Variants in SH3RF3 observed in about 807,000 individuals in gnomAD.
SH3RF3 encodes SH3 domain containing ring finger 3.
SH3RF3 carries 29 observed loss-of-function variants against 66.3 expected under a neutral mutation model. The observed-to-expected ratio is 0.44, with a 90% confidence interval of 0.33 to 0.60. The LOEUF (loss-of-function observed/expected upper bound fraction) is 0.60. SH3RF3 is among the 20% of genes least tolerant of loss of function. SH3RF3 has a pLI of 0.04. For missense variants in SH3RF3, 1,194 were observed against 1,190.9 expected (o/e 1.00, Z -0.04); for synonymous variants, 583 against 532.0 (o/e 1.10, Z -1.32).
chr2:109,481,230 C>T (rs1320937320), intron 8 of SH3RF3, among the ~76,000 whole-genome samples: 1 of 152,184 alleles, frequency 6.6e-6, no homozygotes, highest in African/African-American at 2.4e-5. Context: ...GGCGAGGGTC[C>T]CCCCACACAG....
chr2:109,141,536 C>T (rs1574470856), intron 1 of SH3RF3: 2 of 154,920 alleles, frequency 1.3e-5, no homozygotes, highest in African/African-American at 4.8e-5. Flanking sequence ...GATCACCAGT[C>T]CCCAGGCTGA....
At chr2:109,318,715 G>T (rs2105451536) in intron 1 of SH3RF3, among the ~76,000 whole-genome samples, 1 of 152,292 alleles carries the variant, frequency 6.6e-6, no homozygotes, top group African/African-American at 2.4e-5. Flanking sequence ...ATCCGGGGCT[G>T]CCCTGGCCAG....
At chr2:109,493,284 G>C (rs1472824994) in intron 9 of SH3RF3, among the ~76,000 whole-genome samples, 1 of 123,696 alleles carries the variant, frequency 8.1e-6, no homozygotes, top group African/African-American at 3.1e-5. Flanking sequence ...GTACACCATA[G>C]AAACACACAC....
intron 1 of SH3RF3, among the ~76,000 whole-genome samples, chr2:109,306,578 C>T (rs1234761469): frequency 6.6e-6 from 1 of 152,168 alleles, no homozygotes. Context: ...GTGGTGTTCT[C>T]CAGGCAGGAA....
intron 8 of SH3RF3, among the ~76,000 whole-genome samples, chr2:109,451,183 A>G (rs376263316): frequency 2.2e-4 from 33 of 152,374 alleles, no homozygotes; most frequent in African/African-American, 7.0e-4. Context: ...GGTCTGCTCC[A>G]GCCTAACAGG....
intron 1 of SH3RF3, among the ~76,000 whole-genome samples, chr2:109,187,963 C>T (rs549220174): frequency 4.9e-4 from 74 of 152,256 alleles, no homozygotes; most frequent in Middle Eastern, 3.4e-3. Flanking sequence ...CTTTGGAGGG[C>T]GGTAGGGATT....
intron 1 of SH3RF3, among the ~76,000 whole-genome samples, chr2:109,152,827 C>G (rs1277491310): frequency 6.6e-6 from 1 of 152,140 alleles, no homozygotes; most frequent in Non-Finnish European, 1.5e-5. Flanking sequence ...CACATGGGCC[C>G]TCTCACAGTG....
chr2:109,225,598 C>G (rs954442261), intron 1 of SH3RF3, among the ~76,000 whole-genome samples: 1 of 152,232 alleles, frequency 6.6e-6, no homozygotes, highest in Non-Finnish European at 1.5e-5. Flanking sequence ...CTCTCTGGGA[C>G]TTCCCATTTG....
intron 1 of SH3RF3, among the ~76,000 whole-genome samples, chr2:109,192,731 T>G (rs1015732830): frequency 1.2e-4 from 18 of 152,242 alleles, no homozygotes; most frequent in African/African-American, 3.9e-4. Flanking sequence ...GAAACTTATT[T>G]CAGTCCCTGG....
At chr2:109,138,409 G>A (rs1179468340) in intron 1 of SH3RF3, among the ~76,000 whole-genome samples, 1 of 152,218 alleles carries the variant, frequency 6.6e-6, no homozygotes, top group Non-Finnish European at 1.5e-5. Context: ...AAAAGGCTTG[G>A]GAGTTTAGCT....
At chr2:109,493,049 A>G (rs1181901603) in intron 9 of SH3RF3, among the ~76,000 whole-genome samples, 1 of 152,146 alleles carries the variant, frequency 6.6e-6, no homozygotes, top group East Asian at 1.9e-4. Context: ...TACCCCACAT[A>G]CATCATACAA....
At chr2:109,307,412 T>G (rs1456965459) in intron 1 of SH3RF3, among the ~76,000 whole-genome samples, 1 of 145,452 alleles carries the variant, frequency 6.9e-6, no homozygotes, top group Admixed American at 6.8e-5. Context: ...TTGGAGCAGA[T>G]AAGATGCACT....
intron 8 of SH3RF3, among the ~76,000 whole-genome samples, chr2:109,461,167 T>G (rs1237369396): frequency 1.3e-5 from 2 of 152,210 alleles, no homozygotes; most frequent in African/African-American, 4.8e-5. Flanking sequence ...ACCCTTCCAT[T>G]TGGTCATGGA....
chr2:109,349,169 G>C (rs369749350), intron 2 of SH3RF3, among the ~76,000 whole-genome samples: 1 of 16,470 alleles, frequency 6.1e-5, no homozygotes, highest in African/African-American at 2.3e-3. Flanking sequence ...CAGAGCTCGA[G>C]GTGGCACTCT....
intron 1 of SH3RF3, among the ~76,000 whole-genome samples, chr2:109,203,430 C>T (rs1033586305): frequency 1.3e-5 from 2 of 152,294 alleles, no homozygotes; most frequent in South Asian, 2.1e-4. Context: ...TGTGGTCAGG[C>T]GATCACTGTA....
intron 6 of SH3RF3, 122 bp from the exon 7 acceptor site, chr2:109,436,771 C>G: frequency 7.0e-7 from 1 of 1,427,542 alleles, no homozygotes. Context: ...GGACCTCGTC[C>G]CCAGATCAGT....
intron 5 of SH3RF3, among the ~76,000 whole-genome samples, chr2:109,425,197 G>T (rs1324764045): frequency 6.6e-6 from 1 of 152,228 alleles, no homozygotes; most frequent in Non-Finnish European, 1.5e-5. Flanking sequence ...AGAGAGGTGA[G>T]GAAGCTAAAG....
intron 1 of SH3RF3, among the ~76,000 whole-genome samples, chr2:109,210,224 TTTC>T (rs1181423400): frequency 1.3e-5 from 2 of 152,234 alleles, no homozygotes; most frequent in Non-Finnish European, 2.9e-5. Flanking sequence ...CATTTGGGTG[TTTC>T]TGCCTTTTGG....
intron 1 of SH3RF3, among the ~76,000 whole-genome samples, chr2:109,232,663 T>G (rs1022343304): frequency 1.3e-5 from 2 of 152,130 alleles, no homozygotes; most frequent in East Asian, 1.9e-4. Context: ...TAACAATGTT[T>G]TAGAGAAATG....
Sources: allele counts gnomAD v4.1 joint callset (sites outside exome capture counted in the v4.1 genomes callset), GRCh38; gene constraint gnomAD v4.1.1; transcripts MANE v1.5; gene names NCBI Gene and HGNC (gene_info 2026-07-23, HGNC 2026-07-21).